Variants in CDH13 observed in about 807,000 individuals in gnomAD.
CDH13 encodes cadherin 13, also known as cadherin-13.
Under a neutral mutation model 63.8 loss-of-function variants are expected in CDH13, and 24 were observed. The observed-to-expected ratio is 0.38, with a 90% CI of 0.27 to 0.53. The LOEUF (loss-of-function observed/expected upper bound fraction) is 0.53. Among genes scored for constraint, CDH13 ranks in the 20% least tolerant of loss-of-function variants. CDH13 has a pLI of 0.85. For missense variants in CDH13, 1,049 were observed against 903.1 expected (o/e 1.16, Z -2.07); for synonymous variants, 503 against 355.3 (o/e 1.42, Z -4.67).
At chr16:83,749,247 G>A (rs560440330) in intron 11 of CDH13, among the ~76,000 whole-genome samples, 1 of 152,274 alleles carries the variant, frequency 6.6e-6, no homozygotes, top group African/African-American at 2.4e-5. Flanking sequence ...TGAACTAAGA[G>A]TTCTCAGTCC....
intron 1 of CDH13, among the ~76,000 whole-genome samples, chr16:82,695,854 G>A (rs1220605346): frequency 6.6e-6 from 1 of 152,158 alleles, no homozygotes; most frequent in Non-Finnish European, 1.5e-5. Flanking sequence ...TTATGTACAA[G>A]ATATTGAGTG....
intron 1 of CDH13, among the ~76,000 whole-genome samples, chr16:82,753,330 C>A (rs939757811): frequency 6.6e-6 from 1 of 152,280 alleles, no homozygotes; most frequent in African/African-American, 2.4e-5. Context: ...CATATCTGTC[C>A]TTGGCTTCAT....
chr16:82,992,587 C>G (rs947196528), intron 2 of CDH13, among the ~76,000 whole-genome samples: 7 of 152,046 alleles, frequency 4.6e-5, no homozygotes, highest in African/African-American at 1.7e-4. Context: ...GGTCAAAAAG[C>G]TTTAACTAAA....
At chr16:83,749,701 G>A (rs1035730527) in intron 11 of CDH13, among the ~76,000 whole-genome samples, 2 of 152,114 alleles carry the variant, frequency 1.3e-5, no homozygotes, top group Admixed American at 1.3e-4. Flanking sequence ...GGAGACTCAT[G>A]GATGAATAAT....
At chr16:82,730,632 A>C (rs946793990) in intron 1 of CDH13, among the ~76,000 whole-genome samples, 1 of 152,234 alleles carries the variant, frequency 6.6e-6, no homozygotes, top group African/African-American at 2.4e-5. Flanking sequence ...TGACACAGAC[A>C]AGAAGTGAGC....
At chr16:83,050,243 A>T (rs765530343) in intron 3 of CDH13, among the ~76,000 whole-genome samples, 2 of 152,116 alleles carry the variant, frequency 1.3e-5, no homozygotes, top group Non-Finnish European at 2.9e-5. Flanking sequence ...TATACCTAGG[A>T]GTGGAATTGC....
At chr16:82,914,327 C>T (rs1470821373) in intron 2 of CDH13, among the ~76,000 whole-genome samples, 1 of 152,166 alleles carries the variant, frequency 6.6e-6, no homozygotes, top group African/African-American at 2.4e-5. Flanking sequence ...GTATAGTCTT[C>T]ATAAAGATGC....
At chr16:83,390,392 C>T (rs1251466111) in intron 6 of CDH13, among the ~76,000 whole-genome samples, 1 of 151,936 alleles carries the variant, frequency 6.6e-6, no homozygotes, top group African/African-American at 2.4e-5. Context: ...GGTTAAGTCC[C>T]GGGGCCCTGG....
At chr16:83,255,483 CAT>C (rs997145476) in intron 5 of CDH13, among the ~76,000 whole-genome samples, 1 of 152,220 alleles carries the variant, frequency 6.6e-6, no homozygotes, top group African/African-American at 2.4e-5. Context: ...ACTTACTCCA[CAT>C]GAGAACGTCC....
At chr16:83,598,950 C>T (rs1907523288) in intron 7 of CDH13, among the ~76,000 whole-genome samples, 1 of 152,192 alleles carries the variant, frequency 6.6e-6, no homozygotes, top group Non-Finnish European at 1.5e-5. Flanking sequence ...CCAGGGTGGA[C>T]TCACTTAGGT....
intron 6 of CDH13, among the ~76,000 whole-genome samples, chr16:83,440,032 G>A (rs775949214): frequency 3.3e-5 from 5 of 152,214 alleles, no homozygotes; most frequent in Non-Finnish European, 7.3e-5. Flanking sequence ...GTCTGTGCAG[G>A]CCAGGGTAGG....
intron 7 of CDH13, among the ~76,000 whole-genome samples, chr16:83,516,679 A>C (rs1207609360): frequency 1.3e-5 from 2 of 152,204 alleles, no homozygotes; most frequent in African/African-American, 4.8e-5. Context: ...ATTTGTAAGT[A>C]CCTACTCTCT....
intron 1 of CDH13, among the ~76,000 whole-genome samples, chr16:82,799,237 T>A (rs1387887158): frequency 6.6e-6 from 1 of 152,238 alleles, no homozygotes; most frequent in Non-Finnish European, 1.5e-5. Flanking sequence ...TGTTATTTTT[T>A]GTTGTACAGT....
chr16:82,679,012 C>A (rs978083591), intron 1 of CDH13, among the ~76,000 whole-genome samples: 72 of 152,110 alleles, frequency 4.7e-4, no homozygotes, highest in Non-Finnish European at 1.0e-4. Context: ...TTGATCACCG[C>A]TGTGGGCAGC....
intron 4 of CDH13, among the ~76,000 whole-genome samples, chr16:83,146,245 G>A (rs940991956): frequency 6.6e-6 from 1 of 151,234 alleles, no homozygotes; most frequent in Non-Finnish European, 1.5e-5. Flanking sequence ...AAGGCAGGAA[G>A]AAAGGAAAGA....
intron 10 of CDH13, among the ~76,000 whole-genome samples, chr16:83,711,527 TTTG>T (rs1908052446): frequency 6.6e-6 from 1 of 152,182 alleles, no homozygotes; most frequent in South Asian, 2.1e-4. Context: ...TTTTTTGTTT[TTTG>T]TTTTGAGAAA....
rs186764498 is a variant in CDH13 at position 82,647,943 on chromosome 16, T to G, written c.45+20806T>G. Among the ~76,000 whole-genome samples the G allele has an allele frequency of 1.4e-4, 22 of 152,248 alleles. No homozygotes were observed. The East Asian group carries it at 4.1e-3, about 28-fold the overall frequency. ...GGGTAACTGAAGCTTAGGGGCAGGTTTTCCCTGTGCCGTTTTCATGGTAGT... is the reference window on the plus strand; with the variant it reads ...GGGTAACTGAAGCTTAGGGGCAGGTGTTCCCTGTGCCGTTTTCATGGTAGT... On this transcript the variant is annotated intron_variant, in intron 1 of 13. Transcript: ENST00000567109.
At chr16:82,847,897 T>TA (rs2039330712) in intron 1 of CDH13, among the ~76,000 whole-genome samples, 2 of 150,682 alleles carry the variant, frequency 1.3e-5, no homozygotes, top group Admixed American at 1.3e-4. Flanking sequence ...GTGCTTCACT[T>TA]TTTTTTTTTT....
At chr16:83,089,986 C>A (rs553472911) in intron 3 of CDH13, among the ~76,000 whole-genome samples, 1 of 152,260 alleles carries the variant, frequency 6.6e-6, no homozygotes, top group South Asian at 2.1e-4. Context: ...CCTCTAAGAT[C>A]CCTCACATTT....
Sources: allele counts gnomAD v4.1 joint callset (sites outside exome capture counted in the v4.1 genomes callset), GRCh38; gene constraint gnomAD v4.1.1; transcripts MANE v1.5; gene names NCBI Gene and HGNC (gene_info 2026-07-23, HGNC 2026-07-21).